Variants in AGBL1 observed in about 807,000 individuals in gnomAD.
The protein encoded by AGBL1 is AGBL carboxypeptidase 1.
Under a neutral mutation model 118.9 loss-of-function variants are expected in AGBL1, and 130 were observed. The observed-to-expected ratio is 1.09, with a 90% CI of 0.95 to 1.26. The LOEUF is 1.26. Among genes scored for constraint, AGBL1 ranks in the 50% most tolerant of loss-of-function variants. The pLI, the probability that AGBL1 is intolerant of heterozygous loss-of-function variation, is 0.00. For synonymous variants in AGBL1, 555 were observed against 478.9 expected, an observed-to-expected ratio of 1.16 and a Z score of -2.08; for missense variants, 1,584 against 1,298.1, an observed-to-expected ratio of 1.22 and a Z score of -3.38.
rs1040301811 is a variant in AGBL1 at position 86,909,519 on chromosome 15, A to C, written c.*2225A>C. The C allele has an allele frequency of 6.6e-6, 1 of 152,166 alleles. No homozygotes were observed. The highest frequency in any genetic ancestry group is 1.9e-4 in the East Asian group (1 of 5,196). 9.4% of individuals were successfully genotyped at this position (152,166 alleles called of 1,614,324 possible). Reference sequence around the variant, plus strand: ...TCTCTTATTTTTTTAACTCTTTTCCAAGTTTCCATTTTGTAGTTCAGAAAT... The same window carrying C: ...TCTCTTATTTTTTTAACTCTTTTCCCAGTTTCCATTTTGTAGTTCAGAAAT... On this transcript the variant is annotated 3_prime_UTR_variant, in exon 23 of 23. Coordinates refer to ENST00000614907, the MANE Select transcript of AGBL1 (RefSeq NM_001386094.1).
At chr15:86,751,986 G>T (rs1475628924) in intron 22 of AGBL1, among the ~76,000 whole-genome samples, 1 of 152,054 alleles carries the variant, frequency 6.6e-6, no homozygotes. Flanking sequence ...AGTTGTTCTG[G>T]AATGATCTTT....
At chr15:86,421,341 T>A (rs750257040) in intron 18 of AGBL1, among the ~76,000 whole-genome samples, 19 of 152,152 alleles carry the variant, frequency 1.2e-4, no homozygotes, top group Non-Finnish European at 2.4e-4. Context: ...CAGAATTTCA[T>A]ATCCAGCCAA....
At position 86,166,272 on chromosome 15, in the gene AGBL1, G is replaced by A. The variant is rs1331130820; in HGVS notation, c.488+7246G>A. On this transcript the variant is annotated intron_variant, in intron 5 of 22. Coordinates refer to ENST00000614907, the MANE Select transcript of AGBL1 (RefSeq NM_001386094.1). ...GTTAAGTGCTGGAGAAATGTTGCTTGGGGACCTCAAGTTGCCGACAGCCTA... is the reference window on the plus strand; with the variant it reads ...GTTAAGTGCTGGAGAAATGTTGCTTAGGGACCTCAAGTTGCCGACAGCCTA... 2.0e-5 allele frequency among the ~76,000 whole-genome samples: 3 copies of A among 152,198 alleles called. No individual in the cohort carries two copies. The East Asian group carries it at 5.8e-4, about 29-fold the overall frequency.
intron 5 of AGBL1, among the ~76,000 whole-genome samples, chr15:86,203,752 T>C (rs1322172608): frequency 2.0e-5 from 3 of 152,160 alleles, no homozygotes; most frequent in Non-Finnish European, 4.4e-5. Context: ...TGTTACGGAG[T>C]TACTCATCTT....
intron 22 of AGBL1, among the ~76,000 whole-genome samples, chr15:86,860,705 TGTGA>T (rs1357512514): frequency 1.6e-5 from 2 of 125,542 alleles, no homozygotes; most frequent in Admixed American, 9.0e-5. Flanking sequence ...TCCTTTCCTC[TGTGA>T]GTAAGTGTGT....
At chr15:86,648,950 C>G (rs1448969480) in intron 21 of AGBL1, among the ~76,000 whole-genome samples, 1 of 151,950 alleles carries the variant, frequency 6.6e-6, no homozygotes, top group Non-Finnish European at 1.5e-5. Context: ...AAGTTTAATG[C>G]AAAGGGGAAT....
intron 22 of AGBL1, among the ~76,000 whole-genome samples, chr15:86,800,599 T>G (rs2078636181): frequency 6.6e-6 from 1 of 152,216 alleles, no homozygotes; most frequent in Middle Eastern, 3.4e-3. Flanking sequence ...AAACTGGCCC[T>G]TATGTTTTCA....
chr15:86,307,109 C>T (rs1408716936), intron 17 of AGBL1, among the ~76,000 whole-genome samples: 1 of 151,996 alleles, frequency 6.6e-6, no homozygotes, highest in Admixed American at 6.6e-5. Context: ...AACTCTCTTG[C>T]CCCCCTCCAA....
At chr15:87,020,602 T>C (rs939050672) in intron 24 of AGBL1, among the ~76,000 whole-genome samples, 2 of 152,202 alleles carry the variant, frequency 1.3e-5, no homozygotes, top group East Asian at 3.9e-4. Context: ...GAAAACTCCA[T>C]TATCTCCACC....
At chr15:86,785,379 G>GTT (rs369996141) in intron 22 of AGBL1, among the ~76,000 whole-genome samples, 7,557 of 124,014 alleles carry the variant, frequency 0.061, 467 homozygotes, top group South Asian at 0.17. Context: ...TTTTTTTTTT[G>GTT]TTTTTGTTTT....
At chr15:86,493,827 C>T (rs770319347) in intron 18 of AGBL1, among the ~76,000 whole-genome samples, 5 of 152,038 alleles carry the variant, frequency 3.3e-5, no homozygotes, top group Non-Finnish European at 5.9e-5. Context: ...ACTTCCTTTA[C>T]AGTCCTACAC....
intron 18 of AGBL1, among the ~76,000 whole-genome samples, chr15:86,466,136 TC>T (rs1337699469): frequency 2.0e-5 from 3 of 152,182 alleles, no homozygotes; most frequent in Non-Finnish European, 1.5e-5. Flanking sequence ...GGGGGCTGGT[TC>T]CCCCGATATT....
intron 21 of AGBL1, among the ~76,000 whole-genome samples, chr15:86,561,812 T>C (rs1211950091): frequency 6.6e-6 from 1 of 152,230 alleles, no homozygotes; most frequent in Non-Finnish European, 1.5e-5. Flanking sequence ...CATTTGTTTG[T>C]ATCCTCTTTT....
intron 22 of AGBL1, among the ~76,000 whole-genome samples, chr15:86,810,197 A>G (rs1319454293): frequency 1.3e-5 from 2 of 152,184 alleles, no homozygotes; most frequent in Admixed American, 6.5e-5. Context: ...TTCTGCTGCA[A>G]TGTGAGAGAG....
intron 22 of AGBL1, among the ~76,000 whole-genome samples, chr15:86,707,050 A>G (rs1644518057): frequency 6.6e-6 from 1 of 152,146 alleles, no homozygotes; most frequent in South Asian, 2.1e-4. Flanking sequence ...TGAACAACTC[A>G]ACATTCTGTC....
chr15:86,475,414 C>G (rs1567013125), intron 18 of AGBL1, among the ~76,000 whole-genome samples: 1 of 152,074 alleles, frequency 6.6e-6, no homozygotes, highest in Non-Finnish European at 1.5e-5. Flanking sequence ...GACACGAGAA[C>G]TATGTGATGA....
At chr15:86,421,807 T>C (rs2081794560) in intron 18 of AGBL1, among the ~76,000 whole-genome samples, 1 of 152,172 alleles carries the variant, frequency 6.6e-6, no homozygotes, top group African/African-American at 2.4e-5. Flanking sequence ...AATCCTCATC[T>C]CTGATAAAAT....
At chr15:86,491,300 A>C (rs775347611) in intron 18 of AGBL1, among the ~76,000 whole-genome samples, 4 of 152,122 alleles carry the variant, frequency 2.6e-5, no homozygotes, top group Non-Finnish European at 5.9e-5. Flanking sequence ...GGAAAGTCCC[A>C]AAATGTTTGG....
chr15:86,588,387 C>T (rs761083699), intron 21 of AGBL1, among the ~76,000 whole-genome samples: 11 of 152,184 alleles, frequency 7.2e-5, no homozygotes, highest in Non-Finnish European at 1.5e-4. Context: ...CTGTCCTAAA[C>T]AACGAGATAT....
Sources: gnomAD v4.1 joint callset for allele counts (sites outside exome capture counted in the v4.1 genomes callset) on GRCh38, gnomAD v4.1.1 for gene constraint, MANE v1.5 for transcripts, NCBI Gene and HGNC (gene_info 2026-07-23, HGNC 2026-07-21) for gene names.